SLCO4C1: variants seen among roughly 807,000 people sequenced by gnomAD.
The protein encoded by SLCO4C1 is solute carrier organic anion transporter family member 4C1.
SLCO4C1 carries 58 observed loss-of-function variants against 72.1 expected under a neutral mutation model. That is an observed-to-expected ratio of 0.80 (90% CI 0.65 to 1.00). The LOEUF is 1.00. Among genes scored for constraint, SLCO4C1 ranks in the 50% least tolerant of loss-of-function variants. SLCO4C1 has a pLI of 0.00. For missense variants in SLCO4C1, 898 were observed against 857.9 expected, an observed-to-expected ratio of 1.05 and a Z score of -0.58; for synonymous variants, 297 against 312.5, an observed-to-expected ratio of 0.95 and a Z score of 0.52.
chr5:102,260,207 T>C lies in SLCO4C1; in HGVS notation c.1128+6A>G. On this transcript the variant is annotated splice_donor_region_variant and intron_variant, in intron 6 of 12. Coordinates refer to ENST00000310954, the MANE Select transcript of SLCO4C1 (RefSeq NM_180991.5). ...GAGAGAGAGACAGAGAAGAATTTTA[T>C]TTTACCTTTAGAGCAGCTGGAAAAT... The C allele has an allele frequency of 1.6e-6, 2 of 1,226,796 alleles. No homozygotes were observed. Among genetic ancestry groups the C allele is most frequent in the Middle Eastern group, 2.1e-4 (1 of 4,870 alleles). The allele number at this position is 1,226,796 out of a possible 1,614,324, so 76.0% of individuals were successfully genotyped here.
Position 102,263,684 on chromosome 5 carries a change from C to T in SLCO4C1, c.899G>A (p.Ser300Asn), listed in dbSNP as rs776047349. The T allele has an allele frequency of 1.2e-6, 2 of 1,608,264 alleles. No homozygotes were observed. The highest frequency in any genetic ancestry group is 1.1e-5 in the South Asian group (1 of 89,838). Residue 300 changes from serine to asparagine, a missense_variant and splice_region_variant, in exon 4 of 13, where the codon AGC (serine) becomes AAC (asparagine). Coordinates refer to ENST00000310954, the MANE Select transcript of SLCO4C1 (RefSeq NM_180991.5). The stretch of plus-strand genomic sequence containing the variant: ...AAAAGAAAAATAGATACTGCCTTGC[C>T]TTTCTCCCATAGCAACATCAATGTA... ...TIYIDVAMGE[S>N]TDVTEDDPRW...
At chr5:102,273,413 T>G (rs1749189345) in intron 2 of SLCO4C1, among the ~76,000 whole-genome samples, 1 of 152,112 alleles carries the variant, frequency 6.6e-6, no homozygotes, top group Non-Finnish European at 1.5e-5. Context: ...TCTGTGAATT[T>G]TAAAGATGAA....
intron 8 of SLCO4C1, among the ~76,000 whole-genome samples, chr5:102,253,927 C>T (rs1227264120): frequency 2.0e-5 from 3 of 150,304 alleles, no homozygotes; most frequent in Non-Finnish European, 3.0e-5. Context: ...GCACATGTAC[C>T]CCCTGAATCT....
intron 2 of SLCO4C1, among the ~76,000 whole-genome samples, chr5:102,276,549 A>G (rs1158676079): frequency 1.3e-5 from 2 of 152,112 alleles, no homozygotes; most frequent in East Asian, 3.9e-4. Flanking sequence ...TACCTTAACT[A>G]GTCAGGTATT....
At position 102,249,676 on chromosome 5, in the gene SLCO4C1, C is replaced by G. The variant is rs775851523; in HGVS notation, c.1582G>C (p.Ala528Pro). 1 of 1,613,778 alleles carries G rather than the reference C, an allele frequency of 6.2e-7. No homozygotes were observed. The highest frequency in any genetic ancestry group is 1.1e-5 in the South Asian group (1 of 91,060). ...TGTGCAACTGGGTTTGAACAGCCTG[C>G]AAAGCAGGGAGAAAAATATTGGACT... ...DGVQYFSPCF[A>P]GCSNPVAHRK... Residue 528 changes from alanine (A) to proline (P), a missense_variant, in exon 9 of 13, where the codon GCA (alanine) becomes CCA (proline). By Grantham distance (27) the Ala-to-Pro change is conservative. Coordinates refer to ENST00000310954, the MANE Select transcript of SLCO4C1 (RefSeq NM_180991.5).
intron 9 of SLCO4C1, among the ~76,000 whole-genome samples, chr5:102,249,386 G>A (rs765942224): frequency 1.3e-5 from 2 of 152,040 alleles, no homozygotes; most frequent in Non-Finnish European, 2.9e-5. Flanking sequence ...ATTTGAAAAG[G>A]TAAAAGATAT....
At chr5:102,244,823 A>G (rs1276616688) in intron 10 of SLCO4C1, among the ~76,000 whole-genome samples, 4 of 152,188 alleles carry the variant, frequency 2.6e-5, no homozygotes, top group African/African-American at 9.6e-5. Flanking sequence ...AAGGAGAAGT[A>G]AAGACTTTCC....
Position 102,257,265 on chromosome 5 carries a change from C to A in SLCO4C1, c.1319G>T (p.Gly440Val). 6.2e-7 allele frequency: 1 copy of A among 1,605,300 alleles called. No individual in the cohort carries two copies. The highest frequency in any genetic ancestry group is 8.5e-7 in the Non-Finnish European group (1 of 1,176,548). The change falls in exon 8 of 13, where the codon GGC (glycine) becomes GTC (valine). Residue 440 changes from glycine to valine, a missense_variant. By Grantham distance (109) the Gly-to-Val change is moderately radical. Transcript: ENST00000310954. ...CATTCTGAATTTTGAAACAAGGAAG[C>A]CACCTAAAATTTGACCGAGAGCAGC... The part of the protein sequence containing the change: ...PGAALGQILG[G>V]FLVSKFRMTC...
chr5:102,270,762 T>C lies in SLCO4C1; in HGVS notation c.664A>G (p.Thr222Ala). ...TRNSTSCTSS[T>A]SSLSNYLYVF... ...TACAAGTAGTTAGAAAGTGAAGAAG[T>C]TGAAGATGTACAACTGGTGCTATTC... The change falls in exon 3 of 13, where the codon ACT becomes GCT. Residue 222 changes from threonine to alanine, a missense_variant. Thr to Ala is a moderately conservative substitution (Grantham distance 58, BLOSUM62 0). Transcript: ENST00000310954. 1 of 1,612,594 alleles carries C rather than the reference T, an allele frequency of 6.2e-7. No homozygotes were observed. Among genetic ancestry groups the C allele is most frequent in the Non-Finnish European group, 8.5e-7 (1 of 1,179,146 alleles).
chr5:102,260,073 T>C (rs573345035), intron 6 of SLCO4C1, 140 bp downstream of exon 6: 6 of 242,768 alleles, frequency 2.5e-5, no homozygotes, highest in Admixed American at 1.1e-4. Context: ...TATGTATACA[T>C]GTGTGGTTGT....
At chr5:102,295,730 G>T (rs1296088196) in intron 1 of SLCO4C1, among the ~76,000 whole-genome samples, 178 bp downstream of exon 1, 1 of 152,238 alleles carries the variant, frequency 6.6e-6, no homozygotes, top group Non-Finnish European at 1.5e-5. Context: ...TGGAAGGCTG[G>T]CTGGGGGCCG....
At chr5:102,294,081 G>C (rs532081477) in intron 1 of SLCO4C1, among the ~76,000 whole-genome samples, 2 of 152,300 alleles carry the variant, frequency 1.3e-5, no homozygotes, top group South Asian at 2.1e-4. Flanking sequence ...ACTAGTTTTT[G>C]TATTTTTGGT....
At chr5:102,265,687 A>G (rs1199356009) in intron 3 of SLCO4C1, among the ~76,000 whole-genome samples, 1 of 152,096 alleles carries the variant, frequency 6.6e-6, no homozygotes, top group East Asian at 1.9e-4. Context: ...TTTGATACCA[A>G]CACCATCCTT....
intron 2 of SLCO4C1, among the ~76,000 whole-genome samples, chr5:102,285,254 T>A (rs1174409799): frequency 6.8e-6 from 1 of 146,944 alleles, no homozygotes; most frequent in Admixed American, 6.7e-5. Context: ...TATACACACA[T>A]ATATACACAC....
intron 6 of SLCO4C1, among the ~76,000 whole-genome samples, chr5:102,259,734 T>C (rs936310873): frequency 6.6e-6 from 1 of 152,174 alleles, no homozygotes; most frequent in Non-Finnish European, 1.5e-5. Flanking sequence ...AAAAATATTG[T>C]TTCAGAATTC....
chr5:102,291,456 C>T lies in SLCO4C1; in HGVS notation c.506G>A (p.Gly169Glu), dbSNP rs778699333. 7.4e-6 allele frequency: 12 copies of T among 1,613,980 alleles called. No homozygotes were observed. The African/African-American group carries it at 1.3e-4, about 18-fold the overall frequency. Residue 169 changes from glycine to glutamate, a missense_variant, in exon 2 of 13, where the codon GGA (glycine) becomes GAA (glutamate). Gly to Glu is a moderately conservative substitution (Grantham distance 98). Transcript: ENST00000310954. ...AAATGCAAGCCATCTCGGCTTATGT[C>T]CTCTTTCACCAAAGAATGATACAAA... ...SLFVSFFGER[G>E]HKPRWLAFAA...
chr5:102,257,037 A>T, intron 8 of SLCO4C1, 78 bp downstream of exon 8: 1 of 1,206,336 alleles, frequency 8.3e-7, no homozygotes, highest in Non-Finnish European at 1.1e-6. Context: ...ATTTCTCACC[A>T]TTTAAGAAAA....
In SLCO4C1 at chr5:102,234,985, G is replaced by A. The variant is rs11949650; in HGVS notation, c.*1873C>T. The A allele has an allele frequency of 0.24, 35,689 of 151,832 alleles. 5,073 individuals carry two copies. Among genetic ancestry groups the A allele is most frequent in the African/African-American group, 0.4 (16,392 of 41,380 alleles). 9.4% of individuals were successfully genotyped at this position (151,832 alleles called of 1,614,324 possible). On this transcript the variant is annotated 3_prime_UTR_variant, in exon 13 of 13. Transcript: ENST00000310954. ...ATTTTTGGCTACCTATTTGGCTTCC[G>A]TCTTTGGTGTTTATATCTGTCTGGT...
chr5:102,287,744 C>T lies in SLCO4C1; in HGVS notation c.619+3599G>A, dbSNP rs146183854. ...TTTCTTTTTGTATTTTTAGTAGAGA[C>T]GGGGTTTCACTGTGTTGGCCAGGCT... On this transcript the variant is annotated intron_variant, in intron 2 of 12. Transcript: ENST00000310954. Among the ~76,000 whole-genome samples, 931 of 151,538 alleles carry T rather than the reference C, an allele frequency of 6.1e-3. 6 individuals are homozygous for T. Among genetic ancestry groups the T allele is most frequent in the African/African-American group, 0.02 (835 of 41,310 alleles).
Sources: allele counts gnomAD v4.1 joint callset (sites outside exome capture counted in the v4.1 genomes callset), GRCh38; gene constraint gnomAD v4.1.1; transcripts MANE v1.5; gene names NCBI Gene and HGNC (gene_info 2026-07-23, HGNC 2026-07-21).